The following MECOM variants were observed in gnomAD, a reference collection of about 807,000 sequenced individuals.
MECOM encodes the protein MDS1 and EVI1 complex locus.
Under a neutral mutation model 116.3 loss-of-function variants are expected in MECOM, and 13 were observed. The ratio of observed to expected loss-of-function variants is 0.11; its 90% CI spans 0.07 to 0.18. The LOEUF (loss-of-function observed/expected upper bound fraction) is 0.18, where lower values mean the gene tolerates loss of function less well. Ranked by LOEUF, MECOM falls within the 10% of genes least tolerant of loss-of-function variation. The pLI, the probability that MECOM is intolerant of heterozygous loss-of-function variation, is 1.00. For missense variants in MECOM, 1,299 were observed against 1,509.0 expected, an observed-to-expected ratio of 0.86 and a Z score of 2.31; for synonymous variants, 528 against 535.2, an observed-to-expected ratio of 0.99 and a Z score of 0.19.
chr3:169,121,190 T>C lies in MECOM; in HGVS notation c.998A>G (p.Asn333Ser). The change falls in exon 7 of 17, where the codon AAC becomes AGC. Residue 333 changes from asparagine (N) to serine (S), a missense_variant. Physicochemically the swap from Asn to Ser is conservative, Grantham distance 46 (BLOSUM62 1). Around this residue, in one of 6 missense-constraint regions of MECOM, gnomAD observed 374 missense variants for 433.4 expected, o/e 0.86. Transcript: ENST00000651503. ...NCAKVFTDPS[N>S]LQRHIRSQHV... ...CTGAGAGCGAATGTGCCGCTGAAGG[T>C]TGCTAGGGTCCGTGAAAACCTGCTA... 6.2e-7 allele frequency: 1 copy of C among 1,611,146 alleles called. No homozygotes were observed. The highest frequency in any genetic ancestry group is 8.5e-7 in the Non-Finnish European group (1 of 1,178,536).
At chr3:169,490,747 G>A (rs1006724116) in intron 1 of MECOM, among the ~76,000 whole-genome samples, 5 of 152,130 alleles carry the variant, frequency 3.3e-5, no homozygotes, top group Non-Finnish European at 5.9e-5. Flanking sequence ...AAGAGTAACA[G>A]AAAGGAGGGG....
intron 1 of MECOM, among the ~76,000 whole-genome samples, chr3:169,439,573 T>C (rs143727839): frequency 6.6e-6 from 1 of 152,224 alleles, no homozygotes; most frequent in Non-Finnish European, 1.5e-5. Flanking sequence ...ATCTCCTAGA[T>C]GGGCAAATAG....
rs569064343 is a variant in MECOM at position 169,505,858 on chromosome 3, A to T, written c.38-124334T>A. ...AAGACTCTTTCTCTGTCTTTATCAT[A>T]AAGGTGGAACTGCGGGTCTTGAAAG... is the stretch of plus-strand genomic sequence containing the variant. On this transcript the variant is annotated intron_variant, in intron 1 of 16. Transcript: ENST00000651503. 2.9e-4 allele frequency among the ~76,000 whole-genome samples: 44 copies of T among 152,306 alleles called. No homozygotes were observed. The South Asian group carries it at 8.9e-3, about 31-fold the overall frequency.
chr3:169,451,065 A>G (rs938319896), intron 1 of MECOM, among the ~76,000 whole-genome samples: 2 of 152,110 alleles, frequency 1.3e-5, no homozygotes, highest in African/African-American at 4.8e-5. Context: ...GCTAAAGGAC[A>G]TTTTTTTAAT....
chr3:169,237,879 T>C (rs930754684), intron 2 of MECOM, among the ~76,000 whole-genome samples: 1 of 152,066 alleles, frequency 6.6e-6, no homozygotes, highest in African/African-American at 2.4e-5. Context: ...TCTTTACTAT[T>C]AAGAAATTAT....
At chr3:169,094,974 G>T in intron 13 of MECOM, 102 bp downstream of exon 13, 1 of 1,038,714 alleles carries the variant, frequency 9.6e-7, no homozygotes, top group Non-Finnish European at 1.3e-6. Context: ...ACCTGATTTT[G>T]GCGTCAAAAT....
chr3:169,147,640 G>A (rs1740306812), intron 2 of MECOM: 1 of 985,602 alleles, frequency 1.0e-6, no homozygotes, highest in Admixed American at 6.1e-5. Context: ...AACAACCAAT[G>A]GGGAGATCTC....
At chr3:169,566,729 T>C (rs1040658208) in intron 1 of MECOM, among the ~76,000 whole-genome samples, 1 of 152,138 alleles carries the variant, frequency 6.6e-6, no homozygotes, top group Non-Finnish European at 1.5e-5. Flanking sequence ...ATAGTGCAAC[T>C]TCTTCCCAGA....
intron 11 of MECOM, among the ~76,000 whole-genome samples, 160 bp from the exon 12 acceptor site, chr3:169,101,122 T>G (rs1723417288): frequency 6.6e-6 from 1 of 151,500 alleles, no homozygotes; most frequent in Non-Finnish European, 1.5e-5. Flanking sequence ...TTCACAGATA[T>G]TAATATAAAT....
intron 1 of MECOM, among the ~76,000 whole-genome samples, chr3:169,433,951 T>C (rs759541394): frequency 3.9e-5 from 6 of 152,002 alleles, no homozygotes; most frequent in Non-Finnish European, 1.5e-5. Context: ...TCTGAATTCA[T>C]CTGGGAAAAA....
intron 1 of MECOM, among the ~76,000 whole-genome samples, chr3:169,642,446 CAAAA>C (rs397950899): frequency 1.4e-5 from 1 of 69,468 alleles, no homozygotes; most frequent in Non-Finnish European, 2.9e-5. Context: ...GACTCCATCT[CAAAA>C]AAAAAAAAAA....
intron 1 of MECOM, among the ~76,000 whole-genome samples, chr3:169,396,516 G>A (rs2108367205): frequency 6.6e-6 from 1 of 152,086 alleles, no homozygotes; most frequent in South Asian, 2.1e-4. Flanking sequence ...TATAATTTTG[G>A]ATACACTATG....
intron 1 of MECOM, among the ~76,000 whole-genome samples, chr3:169,381,871 C>T (rs368780310): frequency 1.6e-4 from 25 of 152,226 alleles, no homozygotes; most frequent in African/African-American, 5.8e-4. Context: ...AACTACAACC[C>T]CCAAACAATT....
At chr3:169,401,517 G>T (rs1288539075) in intron 1 of MECOM, among the ~76,000 whole-genome samples, 1 of 152,172 alleles carries the variant, frequency 6.6e-6, no homozygotes, top group Non-Finnish European at 1.5e-5. Flanking sequence ...CAGTAGAGAA[G>T]GAAGACATGC....
At chr3:169,336,972 C>T in intron 2 of MECOM, among the ~76,000 whole-genome samples, 1 of 152,232 alleles carries the variant, frequency 6.6e-6, no homozygotes, top group South Asian at 2.1e-4. Flanking sequence ...GCAAGATACT[C>T]TGCAAGTGAC....
intron 2 of MECOM, among the ~76,000 whole-genome samples, chr3:169,288,521 C>T (rs1249274916): frequency 6.6e-6 from 1 of 152,076 alleles, no homozygotes; most frequent in African/African-American, 2.4e-5. Context: ...GAATATTTAG[C>T]AATTGGCAGT....
At chr3:169,323,468 GAATTAGAGA>G (rs1721271531) in intron 2 of MECOM, among the ~76,000 whole-genome samples, 1 of 152,184 alleles carries the variant, frequency 6.6e-6, no homozygotes, top group African/African-American at 2.4e-5. Flanking sequence ...GACGGCCTAT[GAATTAGAGA>G]AGAGAGAGGC....
In MECOM at chr3:169,663,516, CT is replaced by C. The variant is rs1776610029; in HGVS notation, c.-145del. 6.2e-5 allele frequency: 42 copies of C among 678,910 alleles called. No homozygotes were observed. The highest frequency in any genetic ancestry group is 8.0e-5 in the Non-Finnish European group (31 of 385,846). The allele number at this position is 678,910 out of a possible 1,614,324, so 42.1% of individuals were successfully genotyped here. ...TCTCTCTCTCTCTCTCTCTCTCTCT[CT>C]CTCTCTCTCTCTCCCTCCCTCCTGT... On this transcript the variant is annotated 5_prime_UTR_variant, in exon 1 of 17. Coordinates refer to ENST00000651503, the MANE Select transcript of MECOM (RefSeq NM_004991.4).
At chr3:169,429,252 C>T (rs969459275) in intron 1 of MECOM, among the ~76,000 whole-genome samples, 1 of 152,184 alleles carries the variant, frequency 6.6e-6, no homozygotes, top group Admixed American at 6.5e-5. Context: ...ACAATTCAAT[C>T]AAGCTTCCTA....
Sources: allele counts gnomAD v4.1 joint callset (sites outside exome capture counted in the v4.1 genomes callset), GRCh38; gene constraint gnomAD v4.1.1; regional missense constraint gnomAD v4.1.1; transcripts MANE v1.5; gene names NCBI Gene and HGNC (gene_info 2026-07-23, HGNC 2026-07-21).